The following SLC2A13 variants were observed in gnomAD, a reference collection of about 807,000 sequenced individuals.
SLC2A13 encodes solute carrier family 2 member 13, also known as proton myo-inositol cotransporter.
A neutral mutation model predicts 64.4 loss-of-function variants in SLC2A13; 32 were observed. The observed-to-expected ratio is 0.50, with a 90% CI of 0.37 to 0.67. The LOEUF is 0.67. Among genes scored for constraint, SLC2A13 ranks in the 30% least tolerant of loss-of-function variants. The pLI is 0.00. For synonymous variants in SLC2A13, 338 were observed against 327.1 expected, an observed-to-expected ratio of 1.03 and a Z score of -0.36; for missense variants, 743 against 829.2, an observed-to-expected ratio of 0.90 and a Z score of 1.28.
At chr12:39,893,386 G>A (rs896299478) in intron 4 of SLC2A13, among the ~76,000 whole-genome samples, 1 of 152,132 alleles carries the variant, frequency 6.6e-6, no homozygotes, top group Non-Finnish European at 1.5e-5. Context: ...TGCAACCTCC[G>A]CCTCCCAGGT....
intron 4 of SLC2A13, among the ~76,000 whole-genome samples, chr12:39,930,181 A>G (rs1230182364): frequency 1.3e-5 from 2 of 151,776 alleles, no homozygotes; most frequent in African/African-American, 4.8e-5. Context: ...CCTACTTACT[A>G]CTATAGGAGA....
chr12:39,989,168 T>C (rs1947087917), intron 3 of SLC2A13, among the ~76,000 whole-genome samples: 1 of 152,166 alleles, frequency 6.6e-6, no homozygotes, highest in Admixed American at 6.5e-5. Context: ...TCTTCTGCCC[T>C]TACCCCCTGA....
intron 4 of SLC2A13, among the ~76,000 whole-genome samples, chr12:39,903,159 C>A (rs1434347581): frequency 2.0e-5 from 3 of 152,110 alleles, no homozygotes; most frequent in Non-Finnish European, 4.4e-5. Flanking sequence ...TAGGCCTAAT[C>A]ATACAGAAAA....
chr12:39,834,290 A>T (rs1942944871), intron 6 of SLC2A13, among the ~76,000 whole-genome samples: 1 of 152,032 alleles, frequency 6.6e-6, no homozygotes. Flanking sequence ...AACTGAAGGG[A>T]CTAGGCATGA....
intron 3 of SLC2A13, among the ~76,000 whole-genome samples, chr12:39,959,009 G>A (rs1946363935): frequency 6.6e-6 from 1 of 151,986 alleles, no homozygotes; most frequent in Admixed American, 6.6e-5. Context: ...AGGACATTCA[G>A]TAAATATTTC....
At chr12:39,790,173 A>G (rs1483240243) in intron 7 of SLC2A13, among the ~76,000 whole-genome samples, 2 of 150,270 alleles carry the variant, frequency 1.3e-5, no homozygotes, top group East Asian at 3.9e-4. Context: ...TTGAAGAAAG[A>G]ATTTTTTATT....
intron 3 of SLC2A13, among the ~76,000 whole-genome samples, chr12:39,958,683 T>C (rs1342200746): frequency 6.6e-6 from 1 of 152,124 alleles, no homozygotes; most frequent in Non-Finnish European, 1.5e-5. Flanking sequence ...CTGAGAAGAT[T>C]TGTTTCATAC....
At chr12:39,967,217 C>T (rs1367618054) in intron 3 of SLC2A13, among the ~76,000 whole-genome samples, 1 of 152,162 alleles carries the variant, frequency 6.6e-6, no homozygotes, top group Non-Finnish European at 1.5e-5. Context: ...CTTGTTTCTA[C>T]ATATTTTCAT....
chr12:40,006,088 T>C (rs1947412957), intron 3 of SLC2A13, among the ~76,000 whole-genome samples: 1 of 148,836 alleles, frequency 6.7e-6, no homozygotes, highest in Non-Finnish European at 1.5e-5. Flanking sequence ...CTTCCCACCA[T>C]ATGAGTATAA....
At chr12:40,033,496 C>A (rs538981902) in intron 2 of SLC2A13, among the ~76,000 whole-genome samples, 1 of 152,300 alleles carries the variant, frequency 6.6e-6, no homozygotes, top group Admixed American at 6.5e-5. Context: ...TGGGTAACTG[C>A]AAGCTGGATT....
At chr12:39,828,954 T>C (rs943640876) in intron 7 of SLC2A13, among the ~76,000 whole-genome samples, 1 of 152,174 alleles carries the variant, frequency 6.6e-6, no homozygotes, top group Non-Finnish European at 1.5e-5. Context: ...TCAACTAACA[T>C]ATAATTTACT....
intron 6 of SLC2A13, 110 bp downstream of exon 6, chr12:39,864,652 C>A: frequency 2.1e-6 from 3 of 1,420,622 alleles, no homozygotes; most frequent in South Asian, 2.9e-5. Context: ...CTTACATAAG[C>A]CTGGATGCCC....
intron 3 of SLC2A13, among the ~76,000 whole-genome samples, chr12:39,959,408 G>A (rs976290305): frequency 6.6e-6 from 1 of 152,230 alleles, no homozygotes; most frequent in African/African-American, 2.4e-5. Context: ...CTATAGATGC[G>A]TGCTTGTAAG....
rs525931 is a variant in SLC2A13, at chr12:40,029,211, C to T, written c.717-702G>A. ...GCAAACAACAATATCATTTTAACTCCCTCCAAGAAATAACAAAAATAGTAA... is the reference window on the plus strand; with the variant it reads ...GCAAACAACAATATCATTTTAACTCTCTCCAAGAAATAACAAAAATAGTAA... On this transcript the variant is annotated intron_variant, in intron 2 of 9. Transcript: ENST00000280871. 1.4e-3 allele frequency among the ~76,000 whole-genome samples: 212 copies of T among 152,146 alleles called. 1 individual carries two copies. The highest frequency in any genetic ancestry group is 4.9e-3 in the African/African-American group (202 of 41,526).
At chr12:39,895,629 C>T (rs150739443) in intron 4 of SLC2A13, among the ~76,000 whole-genome samples, 1,050 of 6,064 alleles carry the variant, frequency 0.17, 110 homozygotes, top group Non-Finnish European at 0.45. Context: ...TACGTACACA[C>T]ATATGTATAT....
At chr12:39,885,357 C>A (rs1592240845) in intron 4 of SLC2A13, among the ~76,000 whole-genome samples, 1 of 152,124 alleles carries the variant, frequency 6.6e-6, no homozygotes, top group East Asian at 1.9e-4. Flanking sequence ...AACAACACTG[C>A]AAACAAGGTG....
rs1947621213 is a variant in SLC2A13, at chr12:40,016,386, A to T, written c.925+11915T>A. 3.3e-5 allele frequency among the ~76,000 whole-genome samples: 5 copies of T among 152,214 alleles called. No individual in the cohort carries two copies. In the South Asian group the frequency reaches 1.0e-3, roughly 31 times the overall value. ...AAATATTTTTCACAGAACATTTTTG[A>T]GAACCATGAGTTTCCAATTACTTCT... On this transcript the variant is annotated intron_variant, in intron 3 of 9. Transcript: ENST00000280871.
At chr12:39,981,789 CAATAGAAAAAGAGGG>C (rs1194713775) in intron 3 of SLC2A13, among the ~76,000 whole-genome samples, 14 of 133,174 alleles carry the variant, frequency 1.1e-4, no homozygotes, top group Non-Finnish European at 1.9e-4. Flanking sequence ...CTATTCCAAT[CAATAGAAAAAGAGGG>C]AATCCTCCCT....
At chr12:39,951,212 T>A in intron 4 of SLC2A13, 45 bp downstream of exon 4, 5 of 1,514,706 alleles carry the variant, frequency 3.3e-6, no homozygotes, top group Non-Finnish European at 3.7e-6. Flanking sequence ...CATAAAATAA[T>A]CCTTTCACAA....
Sources: allele counts gnomAD v4.1 joint callset (sites outside exome capture counted in the v4.1 genomes callset), GRCh38; gene constraint gnomAD v4.1.1; transcripts MANE v1.5; gene names NCBI Gene and HGNC (gene_info 2026-07-23, HGNC 2026-07-21).